SGMS1: variants seen among roughly 807,000 people sequenced by gnomAD.
The protein encoded by SGMS1 is sphingomyelin synthase 1, also known as phosphatidylcholine:ceramide cholinephosphotransferase 1.
In SGMS1, 13 loss-of-function variants were observed where a neutral mutation model predicts 46.2. That is an observed-to-expected ratio of 0.28 (90% CI 0.18 to 0.45). The LOEUF (loss-of-function observed/expected upper bound fraction) is 0.45. SGMS1 is among the 20% of genes least tolerant of loss of function. The pLI, the probability that SGMS1 is intolerant of heterozygous loss-of-function variation, is 1.00. For missense variants in SGMS1, 324 were observed against 519.9 expected (o/e 0.62, Z 3.66); for synonymous variants, 203 against 187.8 (o/e 1.08, Z -0.66).
At chr10:50,403,759 T>C (rs1848972889) in intron 6 of SGMS1, among the ~76,000 whole-genome samples, 1 of 148,894 alleles carries the variant, frequency 6.7e-6, no homozygotes, top group South Asian at 2.2e-4. Flanking sequence ...TAGTATGTCT[T>C]AAGAATAATT....
rs759259592 is a variant in SGMS1 at position 50,344,071 on chromosome 10, C to T, written c.44G>A (p.Trp15Ter). ...VYWSPKKVAD[W>*]LLENAMPEYC... is the part of the protein sequence containing the mutation. Reference sequence around the variant, plus strand: ...TTCTGGCATAGCATTCTCCAGCAGCCAGTCTGCCACCTTCTTGGGTGACCA... The same window carrying T: ...TTCTGGCATAGCATTCTCCAGCAGCTAGTCTGCCACCTTCTTGGGTGACCA... The change falls in exon 7 of 11, where the codon TGG becomes TAG. Residue 15 changes from tryptophan to a stop codon, truncating the protein, a stop_gained. Transcript: ENST00000361781. LOFTEE classifies it high-confidence loss of function. The T allele has an allele frequency of 6.2e-7, 1 of 1,613,926 alleles. No individual in the cohort carries two copies. Among genetic ancestry groups the T allele is most frequent in the South Asian group, 1.1e-5 (1 of 91,058 alleles).
chr10:50,365,998 A>G (rs1848336536), intron 6 of SGMS1, among the ~76,000 whole-genome samples: 1 of 151,690 alleles, frequency 6.6e-6, no homozygotes. Flanking sequence ...GGTGTAAGTA[A>G]TATGTTGGGT....
intron 6 of SGMS1, among the ~76,000 whole-genome samples, chr10:50,361,820 G>T (rs1848254008): frequency 6.6e-6 from 1 of 152,196 alleles, no homozygotes; most frequent in South Asian, 2.1e-4. Context: ...TCAAGATGAT[G>T]TTCAGATGCC....
At chr10:50,513,001 A>T (rs1287496512) in intron 3 of SGMS1, among the ~76,000 whole-genome samples, 4 of 152,188 alleles carry the variant, frequency 2.6e-5, no homozygotes, top group Non-Finnish European at 4.4e-5. Context: ...TGAAGTAGGG[A>T]CATCCTTCCA....
chr10:50,491,971 G>A (rs1260787129), intron 3 of SGMS1, among the ~76,000 whole-genome samples: 2 of 152,100 alleles, frequency 1.3e-5, no homozygotes, highest in African/African-American at 4.8e-5. Flanking sequence ...TATCCATCAC[G>A]GTCAAGTATA....
chr10:50,531,469 G>C (rs1837952895), intron 2 of SGMS1, among the ~76,000 whole-genome samples: 1 of 151,890 alleles, frequency 6.6e-6, no homozygotes, highest in Admixed American at 6.6e-5. Flanking sequence ...ACACGTGTTT[G>C]GTACATAATC....
At chr10:50,366,748 C>A (rs1403465358) in intron 6 of SGMS1, among the ~76,000 whole-genome samples, 1 of 151,152 alleles carries the variant, frequency 6.6e-6, no homozygotes, top group Non-Finnish European at 1.5e-5. Context: ...GAGAGTTGAA[C>A]AATGAGAACA....
chr10:50,533,909 G>T (rs1277763945), intron 2 of SGMS1, among the ~76,000 whole-genome samples: 1 of 152,066 alleles, frequency 6.6e-6, no homozygotes, highest in African/African-American at 2.4e-5. Flanking sequence ...AGGAAGTTGG[G>T]TATGGTGGCA....
chr10:50,454,366 G>T lies in SGMS1; in HGVS notation c.-313+6307C>A, dbSNP rs116906822. ...GCTAGACCAGATGCAGAGATATCAA[G>T]GGAAAAGCTATTAAAATAGACTAGC... On this transcript the variant is annotated intron_variant, in intron 5 of 10. Coordinates refer to ENST00000361781, the MANE Select transcript of SGMS1 (RefSeq NM_147156.4). Among the ~76,000 whole-genome samples the T allele has an allele frequency of 6.6e-3, 1,003 of 152,226 alleles. 8 individuals carry two copies. The highest frequency in any genetic ancestry group is 0.013 in the Admixed American group (205 of 15,280).
chr10:50,459,585 G>T (rs1253488253), intron 5 of SGMS1, among the ~76,000 whole-genome samples: 2 of 152,164 alleles, frequency 1.3e-5, no homozygotes, highest in Non-Finnish European at 2.9e-5. Context: ...TGTATTTTTA[G>T]TAGAGAGGGG....
intron 5 of SGMS1, among the ~76,000 whole-genome samples, chr10:50,458,550 G>T (rs539495388): frequency 6.6e-6 from 1 of 151,310 alleles, no homozygotes; most frequent in East Asian, 1.9e-4. Flanking sequence ...TAGTAGAGAC[G>T]GGGTTTCACC....
chr10:50,403,826 G>A (rs1848974095), intron 6 of SGMS1, among the ~76,000 whole-genome samples: 1 of 150,596 alleles, frequency 6.6e-6, no homozygotes, highest in Admixed American at 6.7e-5. Context: ...TGTCAGGTGG[G>A]ATAACCTTTA....
intron 6 of SGMS1, among the ~76,000 whole-genome samples, chr10:50,358,097 C>T (rs1848184480): frequency 6.6e-6 from 1 of 152,032 alleles, no homozygotes; most frequent in African/African-American, 2.4e-5. Context: ...CTAGGCAACA[C>T]AGTGAGACAA....
chr10:50,365,489 AT>A (rs889814128), intron 6 of SGMS1, among the ~76,000 whole-genome samples: 1 of 152,112 alleles, frequency 6.6e-6, no homozygotes, highest in African/African-American at 2.4e-5. Context: ...GTAAGTATAC[AT>A]GTGCCATGGT....
chr10:50,542,612 C>A (rs1838063691), intron 2 of SGMS1, among the ~76,000 whole-genome samples: 1 of 142,158 alleles, frequency 7.0e-6, no homozygotes, highest in African/African-American at 2.6e-5. Flanking sequence ...TATAGGAAAA[C>A]AGAGAAAACA....
intron 6 of SGMS1, among the ~76,000 whole-genome samples, chr10:50,417,302 A>G (rs1487460247): frequency 6.6e-6 from 1 of 152,194 alleles, no homozygotes; most frequent in African/African-American, 2.4e-5. Context: ...TAAATTTAAA[A>G]GCGGTAACTC....
chr10:50,493,400 G>A (rs1234879619), intron 3 of SGMS1, among the ~76,000 whole-genome samples: 2 of 152,166 alleles, frequency 1.3e-5, no homozygotes, highest in African/African-American at 4.8e-5. Context: ...TCAGGACACA[G>A]GCACAGGCAA....
intron 6 of SGMS1, among the ~76,000 whole-genome samples, chr10:50,377,849 C>T (rs190364761): frequency 6.6e-4 from 100 of 152,290 alleles, no homozygotes; most frequent in African/African-American, 2.2e-3. Flanking sequence ...CGATTTGTGG[C>T]CACATCACTC....
At chr10:50,362,930 G>T (rs11814641) in intron 6 of SGMS1, among the ~76,000 whole-genome samples, 1 of 152,114 alleles carries the variant, frequency 6.6e-6, no homozygotes, top group African/African-American at 2.4e-5. Flanking sequence ...CAGATCAAAA[G>T]AGGAAGTGAA....
Sources: gnomAD v4.1 joint callset for allele counts (sites outside exome capture counted in the v4.1 genomes callset) on GRCh38, gnomAD v4.1.1 for gene constraint, MANE v1.5 for transcripts, NCBI Gene and HGNC (gene_info 2026-07-23, HGNC 2026-07-21) for gene names.